The following QNG1 variants were observed in gnomAD, a reference collection of about 807,000 sequenced individuals.
QNG1 encodes Q-nucleotide N-glycosylase 1.
the QNG1 span, among the ~76,000 whole-genome samples, chr9:83,941,049 A>G: frequency 6.6e-6 from 1 of 152,332 alleles, no homozygotes; most frequent in Non-Finnish European, 1.5e-5. Context: ...CAGCCAACAG[A>G]GTGGCCACGG....
chr9:83,946,714 A>G, the QNG1 span, among the ~76,000 whole-genome samples: 1 of 152,156 alleles, frequency 6.6e-6, no homozygotes, highest in African/African-American at 2.4e-5. Context: ...ATGAAACTCC[A>G]TCTCTACAAA....
chr9:83,949,602 C>T, the QNG1 span, among the ~76,000 whole-genome samples: 3 of 152,022 alleles, frequency 2.0e-5, no homozygotes, highest in South Asian at 2.1e-4. Flanking sequence ...GCCGAGTTCA[C>T]GCCATTGCAC....
the QNG1 span, among the ~76,000 whole-genome samples, chr9:83,952,036 G>A: frequency 6.6e-6 from 1 of 152,260 alleles, no homozygotes; most frequent in East Asian, 1.9e-4. Flanking sequence ...TTCCAGGCTG[G>A]AGTAAAGTGG....
chr9:83,952,141 C>G, the QNG1 span, among the ~76,000 whole-genome samples: 1 of 152,034 alleles, frequency 6.6e-6, no homozygotes, highest in African/African-American at 2.4e-5. Flanking sequence ...CATGCCACCA[C>G]GCCTGGCTAG....
At chr9:83,955,451 T>G in the QNG1 span, 7 of 1,614,218 alleles carry the variant, frequency 4.3e-6, no homozygotes, top group Non-Finnish European at 5.9e-6. Context: ...CTGCGCACTA[T>G]TCTCACTTTC....
the QNG1 span, chr9:83,944,896 T>G: frequency 6.2e-7 from 1 of 1,613,940 alleles, no homozygotes; most frequent in African/African-American, 1.3e-5. Context: ...ATACTGGAGA[T>G]GTCCTTGAAG....
At chr9:83,955,561 G>T in the QNG1 span, 36 of 1,614,050 alleles carry the variant, frequency 2.2e-5, no homozygotes, top group Non-Finnish European at 3.1e-5. Flanking sequence ...GCATGGAAAC[G>T]TCTGTGTCAG....
the QNG1 span, chr9:83,955,555 G>C: frequency 6.2e-7 from 1 of 1,614,154 alleles, no homozygotes; most frequent in Non-Finnish European, 8.5e-7. Flanking sequence ...CTAAAGGCAT[G>C]GAAACGTCTG....
At chr9:83,947,817 C>A in the QNG1 span, among the ~76,000 whole-genome samples, 1 of 152,228 alleles carries the variant, frequency 6.6e-6, no homozygotes, top group Non-Finnish European at 1.5e-5. Context: ...ACTCAGTGCT[C>A]AATGTTGCCC....
chr9:83,956,770 C>T, the QNG1 span: 3 of 377,292 alleles, frequency 8.0e-6, no homozygotes, highest in East Asian at 1.2e-4. Context: ...CACGCCCTCT[C>T]GGGCGCGCTC....
chr9:83,949,637 ACT>A, the QNG1 span, among the ~76,000 whole-genome samples: 1 of 151,870 alleles, frequency 6.6e-6, no homozygotes, highest in African/African-American at 2.4e-5. Context: ...CAAGAATGAA[ACT>A]CTGTCTCAAG....
chr9:83,955,640 C>T, the QNG1 span: 101 of 1,606,966 alleles, frequency 6.3e-5, no homozygotes, highest in Middle Eastern at 2.7e-3. Flanking sequence ...TATTGGTATC[C>T]CTTTAGTGAA....
At chr9:83,948,475 TG>T in the QNG1 span, among the ~76,000 whole-genome samples, 7,463 of 131,444 alleles carry the variant, frequency 0.057, 246 homozygotes, top group Non-Finnish European at 0.081. Flanking sequence ...GGGAGGGAGG[TG>T]GGGGGCGCCT....
the QNG1 span, among the ~76,000 whole-genome samples, chr9:83,948,620 CATG>C: frequency 6.6e-6 from 1 of 152,188 alleles, no homozygotes; most frequent in Non-Finnish European, 1.5e-5. Context: ...GAGAGCGGGC[CATG>C]ATGACGATGG....
chr9:83,955,448 CTA>C, the QNG1 span: 5 of 1,614,064 alleles, frequency 3.1e-6, no homozygotes, highest in Non-Finnish European at 4.2e-6. Context: ...CTTCTGCGCA[CTA>C]TTCTCACTTT....
chr9:83,946,063 T>C, the QNG1 span, among the ~76,000 whole-genome samples: 1 of 151,824 alleles, frequency 6.6e-6, no homozygotes, highest in East Asian at 1.9e-4. Flanking sequence ...TCCCAGCACT[T>C]TGGGAGACTG....
At chr9:83,952,750 G>A in the QNG1 span, among the ~76,000 whole-genome samples, 1 of 148,624 alleles carries the variant, frequency 6.7e-6, no homozygotes, top group East Asian at 2.0e-4. Context: ...AGCTGAGATC[G>A]CGCCACTGCA....
the QNG1 span, chr9:83,939,541 C>T: frequency 1.5e-4 from 244 of 1,613,510 alleles, no homozygotes; most frequent in South Asian, 2.5e-3. Flanking sequence ...TGCGATGAAA[C>T]GGAATTCCTT....
At chr9:83,946,789 G>A in the QNG1 span, among the ~76,000 whole-genome samples, 3 of 152,174 alleles carry the variant, frequency 2.0e-5, no homozygotes, top group Non-Finnish European at 4.4e-5. Flanking sequence ...AGTAGAGATG[G>A]GGTTTCACCA....
Sources: gnomAD v4.1 joint callset for allele counts (sites outside exome capture counted in the v4.1 genomes callset) on GRCh38, gnomAD v4.1.1 for gene constraint, MANE v1.5 for transcripts, NCBI Gene and HGNC (gene_info 2026-07-23, HGNC 2026-07-21) for gene names.